Variants in SLFN5 observed in about 807,000 individuals in gnomAD.
The protein encoded by SLFN5 is schlafen family member 5.
SLFN5 carries 34 observed loss-of-function variants against 48.5 expected under a neutral mutation model. The observed-to-expected ratio is 0.70, with a 90% CI of 0.53 to 0.93. The LOEUF (loss-of-function observed/expected upper bound fraction) is 0.93. Among genes scored for constraint, SLFN5 ranks in the 40% least tolerant of loss-of-function variants. The pLI is 0.00. For missense variants in SLFN5, 1,006 were observed against 1,071.3 expected (o/e 0.94, Z 0.85); for synonymous variants, 387 against 396.2 (o/e 0.98, Z 0.28).
At chr17:35,258,218 C>T (rs1904398186) in intron 1 of SLFN5, among the ~76,000 whole-genome samples, 2 of 152,144 alleles carry the variant, frequency 1.3e-5, no homozygotes, top group South Asian at 4.1e-4. Context: ...CTGTTAAAGA[C>T]ATACCTGAGA....
chr17:35,264,679 T>C lies in SLFN5; in HGVS notation c.1635T>C (p.Ser545=). The change falls in exon 4 of 5, where the codon AGT becomes AGC. Residue 545 remains serine, a synonymous_variant. Coordinates refer to ENST00000299977, the MANE Select transcript of SLFN5 (RefSeq NM_144975.4). ...IVLLGFKSFL[S]EELGSEVLNL... ...TGCTTGGGTTCAAATCCTTCTTAAGTGAAGAGCTGGGCTCTGAGGTTTTGA... is the reference window on the plus strand; with the variant it reads ...TGCTTGGGTTCAAATCCTTCTTAAGCGAAGAGCTGGGCTCTGAGGTTTTGA... 6.2e-7 allele frequency: 1 copy of C among 1,613,078 alleles called. No homozygotes were observed.
intron 1 of SLFN5, among the ~76,000 whole-genome samples, chr17:35,246,732 G>A (rs1445985207): frequency 6.6e-6 from 1 of 151,914 alleles, no homozygotes. Context: ...GTGGGCACCT[G>A]TAATCCCAGC....
At position 35,272,710 on chromosome 17, in the gene SLFN5, G is replaced by A. The variant is rs998643697; in HGVS notation, c.*6822G>A. 2.6e-5 allele frequency: 4 copies of A among 152,178 alleles called. No homozygotes were observed. The highest frequency in any genetic ancestry group is 5.9e-5 in the Non-Finnish European group (4 of 68,010). The allele number at this position is 152,178 out of a possible 1,614,324, so 9.4% of individuals were successfully genotyped here. A position where few individuals can be genotyped will look rare whatever the true frequency, so the allele number is the denominator to read the frequency against. ...AATTCTAAGGTCTCAAAGGAAAAAT[G>A]AGCAAAGGATTTGACAGGTGGTAGA... On this transcript the variant is annotated 3_prime_UTR_variant, in exon 5 of 5. Coordinates refer to ENST00000299977, the MANE Select transcript of SLFN5 (RefSeq NM_144975.4).
At chr17:35,264,105 T>C in intron 3 of SLFN5, 78 bp from the exon 4 acceptor site, 2 of 1,481,292 alleles carry the variant, frequency 1.4e-6, no homozygotes, top group South Asian at 2.8e-5. Flanking sequence ...CCAGTGTTGA[T>C]TAATTCTTCT....
In SLFN5 at chr17:35,259,173, T is replaced by C. The variant is rs1904441797; in HGVS notation, c.483T>C (p.Ser161=). ...NSLGPQAAQG[S]VQYEGNINVS... ...TAGGTCCACAGGCAGCTCAGGGTAG[T>C]GTACAATATGAAGGTAACATAAATG... Residue 161 remains serine, a synonymous_variant, in exon 2 of 5, where the codon AGT becomes AGC. Coordinates refer to ENST00000299977, the MANE Select transcript of SLFN5 (RefSeq NM_144975.4). 1 of 1,613,970 alleles carries C rather than the reference T, an allele frequency of 6.2e-7. No homozygotes were observed. Among genetic ancestry groups the C allele is most frequent in the Admixed American group, 1.7e-5 (1 of 59,994 alleles).
chr17:35,257,534 C>T (rs550590139), intron 1 of SLFN5, among the ~76,000 whole-genome samples: 9 of 145,932 alleles, frequency 6.2e-5, no homozygotes, highest in South Asian at 2.2e-4. Flanking sequence ...CCTTTGTTCC[C>T]GCTGGAGTAA....
chr17:35,265,020 G>C, intron 4 of SLFN5, 52 bp from the exon 5 acceptor site: 3 of 1,560,976 alleles, frequency 1.9e-6, no homozygotes, highest in Non-Finnish European at 2.6e-6. Context: ...TTTAAGAGTA[G>C]AATCTGCTTT....
Position 35,264,852 on chromosome 17 carries a change from C to T in SLFN5, c.1808C>T (p.Pro603Leu), listed in dbSNP as rs769910973. Reference sequence around the variant, plus strand: ...ATCAGGAATGTGTTTCACTGTGAACCGGCTAACATTCTCTACATCTGTGAA... The same window carrying T: ...ATCAGGAATGTGTTTCACTGTGAACTGGCTAACATTCTCTACATCTGTGAA... Reference protein sequence around the residue: ...EKIRNVFHCEPANILYICENQ... With the variant: ...EKIRNVFHCELANILYICENQ... The change falls in exon 4 of 5, where the codon CCG becomes CTG. Residue 603 changes from proline (P) to leucine (L), a missense_variant. By Grantham distance (98) the Pro-to-Leu change is moderately conservative (BLOSUM62 -3). Coordinates refer to ENST00000299977, the MANE Select transcript of SLFN5 (RefSeq NM_144975.4). The T allele has an allele frequency of 1.1e-5, 18 of 1,590,722 alleles. No homozygotes were observed. Among genetic ancestry groups the T allele is most frequent in the Middle Eastern group, 1.7e-4 (1 of 5,950 alleles).
intron 3 of SLFN5, among the ~76,000 whole-genome samples, chr17:35,262,679 A>G (rs562811414): frequency 3.5e-4 from 53 of 152,182 alleles, no homozygotes; most frequent in Admixed American, 1.1e-3. Context: ...CCTAGGCAAC[A>G]TGGTGAAACT....
intron 1 of SLFN5, among the ~76,000 whole-genome samples, chr17:35,247,766 C>T (rs2092434034): frequency 6.6e-6 from 1 of 152,154 alleles, no homozygotes; most frequent in Non-Finnish European, 1.5e-5. Context: ...CAGACATAGG[C>T]ATAGGTCCTA....
In SLFN5 at chr17:35,265,176, G is replaced by T; in HGVS notation, c.1964G>T (p.Arg655Leu). 1 of 1,614,138 alleles carries T rather than the reference G, an allele frequency of 6.2e-7. No individual in the cohort carries two copies. Among genetic ancestry groups the T allele is most frequent in the Non-Finnish European group, 8.5e-7 (1 of 1,180,020 alleles). ...HIIIDDAQNF[R>L]TEDGDWYGKA... Reference sequence around the variant, plus strand: ...ATCATTGATGACGCTCAGAATTTCCGTACTGAAGATGGGGACTGGTATGGG... The same window carrying T: ...ATCATTGATGACGCTCAGAATTTCCTTACTGAAGATGGGGACTGGTATGGG... Residue 655 changes from arginine to leucine, a missense_variant, in exon 5 of 5, where the codon CGT (arginine) becomes CTT (leucine). Transcript: ENST00000299977.
In SLFN5 at chr17:35,249,757, C is replaced by T. The variant is rs192815396; in HGVS notation, c.-41+6614C>T. 2.0e-3 allele frequency among the ~76,000 whole-genome samples: 305 copies of T among 152,326 alleles called. 1 individual carries two copies. Among genetic ancestry groups the T allele is most frequent in the African/African-American group, 6.7e-3 (277 of 41,572 alleles). ...ATATGTATTGATGTTCCAGAGACTT[C>T]TCTATTCATAATCAAGTTGCACCTG... On this transcript the variant is annotated intron_variant, in intron 1 of 4. Coordinates refer to ENST00000299977, the MANE Select transcript of SLFN5 (RefSeq NM_144975.4).
chr17:35,254,551 T>C (rs2092450253), intron 1 of SLFN5, among the ~76,000 whole-genome samples: 1 of 152,144 alleles, frequency 6.6e-6, no homozygotes. Context: ...CGACACAGGG[T>C]TCTGTAATCA....
chr17:35,245,107 T>G (rs960042369), intron 1 of SLFN5, among the ~76,000 whole-genome samples: 1 of 152,220 alleles, frequency 6.6e-6, no homozygotes, highest in Admixed American at 6.5e-5. Flanking sequence ...CCAAACCCTA[T>G]ATCTAATGTG....
At chr17:35,251,703 CTTTTTTTT>C (rs34854448) in intron 1 of SLFN5, among the ~76,000 whole-genome samples, 3 of 84,970 alleles carry the variant, frequency 3.5e-5, no homozygotes, top group Non-Finnish European at 6.6e-5. Flanking sequence ...GGCGCCCGGA[CTTTTTTTT>C]TTTTTTTTTT....
Position 35,263,811 on chromosome 17 carries a change from C to CAAA in SLFN5, c.1139-359_1139-357dup, listed in dbSNP as rs370619332. 8.9e-3 allele frequency among the ~76,000 whole-genome samples: 1,088 copies of CAAA among 122,274 alleles called. 24 individuals carry two copies. The highest frequency in any genetic ancestry group is 0.027 in the African/African-American group (862 of 31,744). 80.2% of individuals were successfully genotyped at this position (122,274 alleles called of 152,430 possible). A position where few individuals can be genotyped will look rare whatever the true frequency, so the allele number is the denominator to read the frequency against. ...GGTGCGACAGAGCAAGACTCCATCT[C>CAAA]AAAAAAAAAAAAAAAGAAGAAGAAA... On this transcript the variant is annotated intron_variant, in intron 3 of 4. Transcript: ENST00000299977.
In SLFN5 at chr17:35,270,812, A is replaced by G. The variant is rs149165011; in HGVS notation, c.*4924A>G. ...ACCCCAGGGTTGGTTGTCAGTTGTG[A>G]CAACCAAAAATGTCTCCAGACATCG... On this transcript the variant is annotated 3_prime_UTR_variant, in exon 5 of 5. Transcript: ENST00000299977. The G allele has an allele frequency of 6.6e-6, 1 of 152,120 alleles. No individual in the cohort carries two copies. Among genetic ancestry groups the G allele is most frequent in the Non-Finnish European group, 1.5e-5 (1 of 68,026 alleles). The allele number at this position is 152,120 out of a possible 1,614,324, so 9.4% of individuals were successfully genotyped here.
chr17:35,246,879 TTCATCTAATA>T (rs2092432101), intron 1 of SLFN5, among the ~76,000 whole-genome samples: 2 of 152,022 alleles, frequency 1.3e-5, no homozygotes, highest in Non-Finnish European at 2.9e-5. Context: ...AATTATTTTG[TTCATCTAATA>T]TCATCTGTAA....
chr17:35,246,460 G>A (rs559633103), intron 1 of SLFN5, among the ~76,000 whole-genome samples: 1 of 152,190 alleles, frequency 6.6e-6, no homozygotes, highest in Non-Finnish European at 1.5e-5. Flanking sequence ...TCCTCCTGTT[G>A]CCCCCTCCTC....
Sources: gnomAD v4.1 joint callset for allele counts (sites outside exome capture counted in the v4.1 genomes callset) on GRCh38, gnomAD v4.1.1 for gene constraint, MANE v1.5 for transcripts, NCBI Gene and HGNC (gene_info 2026-07-23, HGNC 2026-07-21) for gene names.